The following EML6 variants were observed in gnomAD, a reference collection of about 807,000 sequenced individuals.
EML6 encodes the protein echinoderm microtubule-associated protein-like 6.
A neutral mutation model predicts 240.1 loss-of-function variants in EML6; 154 were observed. The ratio of observed to expected loss-of-function variants is 0.64; its 90% CI spans 0.56 to 0.73. The LOEUF (loss-of-function observed/expected upper bound fraction) is 0.73, where lower values mean the gene tolerates loss of function less well. EML6 is among the 30% of genes least tolerant of loss of function. The pLI, the probability that EML6 is intolerant of heterozygous loss-of-function variation, is 0.00. For missense variants in EML6, 2,964 were observed against 2,474.6 expected, an observed-to-expected ratio of 1.20 and a Z score of -4.20; for synonymous variants, 1,148 against 899.0, an observed-to-expected ratio of 1.28 and a Z score of -4.95.
rs1299218934 is a variant in EML6 at position 54,774,972 on chromosome 2, T to C, written c.198-38260T>C. On this transcript the variant is annotated intron_variant, in intron 2 of 41. Coordinates refer to ENST00000356458, the MANE Select transcript of EML6 (RefSeq NM_001039753.4). The surrounding 1 kb of genome is among the most constrained non-coding windows in gnomAD (Gnocchi z 4.1). ...TACTTTTGTTAACAAATGTGTCACATAGAAATTTCCTGAAAATATGATCAA... is the reference window on the plus strand; with the variant it reads ...TACTTTTGTTAACAAATGTGTCACACAGAAATTTCCTGAAAATATGATCAA... Among the ~76,000 whole-genome samples the C allele has an allele frequency of 6.6e-6, 1 of 152,210 alleles. No homozygotes were observed. The highest frequency in any genetic ancestry group is 1.5e-5 in the Non-Finnish European group (1 of 68,030).
Position 54,765,146 on chromosome 2 carries a change from G to T in EML6, c.197+39888G>T, listed in dbSNP as rs549405499. Among the ~76,000 whole-genome samples the T allele has an allele frequency of 1.1e-3, 168 of 151,940 alleles. 1 individual carries two copies. The highest frequency in any genetic ancestry group is 3.8e-3 in the African/African-American group (158 of 41,418). On this transcript the variant is annotated intron_variant, in intron 2 of 41. Transcript: ENST00000356458. ...ACCTGAATTTTAAATTTAAGTGATC[G>T]TAGAAGTTTTAGAAGCAGTAAATAT...
At chr2:54,965,595 C>A (rs1188860702) in intron 38 of EML6, among the ~76,000 whole-genome samples, 1 of 152,078 alleles carries the variant, frequency 6.6e-6, no homozygotes, top group African/African-American at 2.4e-5. Flanking sequence ...TGGGGGGAAG[C>A]CAGTGAACCA....
intron 28 of EML6, among the ~76,000 whole-genome samples, chr2:54,941,535 C>T (rs1675427838): frequency 6.6e-6 from 1 of 152,240 alleles, no homozygotes; most frequent in South Asian, 2.1e-4. Flanking sequence ...GACCATCCTG[C>T]TAAGCTAATG....
Position 54,954,107 on chromosome 2 carries a change from G to A in EML6, c.4437G>A (p.Ser1479=), listed in dbSNP as rs376989653. The change falls in exon 32 of 42, where the codon TCG becomes TCA. Residue 1479 remains serine, a synonymous_variant. Coordinates refer to ENST00000356458, the MANE Select transcript of EML6 (RefSeq NM_001039753.4). ...GTGCAACTGGAAAGCTCCTGGTGTC[G>A]GTGGGAGTGGACCCTGAGCACACCA... ...NFSATGKLLV[S]VGVDPEHTIT... 230 of 1,551,542 alleles carry A rather than the reference G, an allele frequency of 1.5e-4. No individual in the cohort carries two copies. Among genetic ancestry groups the A allele is most frequent in the Non-Finnish European group, 1.8e-4 (203 of 1,147,002 alleles).
intron 2 of EML6, among the ~76,000 whole-genome samples, chr2:54,797,177 A>AAAAAAAAAAAACAAAAACAAAC (rs1669850625): frequency 7.5e-6 from 1 of 132,686 alleles, no homozygotes; most frequent in African/African-American, 2.9e-5. Flanking sequence ...AAAAAAAAAA[A>AAAAAAAAAAAACAAAAACAAAC]AAAAAAAAAA....
chr2:54,818,993 C>T (rs1206785990), intron 4 of EML6, among the ~76,000 whole-genome samples: 2 of 151,998 alleles, frequency 1.3e-5, no homozygotes, highest in African/African-American at 4.8e-5. Flanking sequence ...CTTTATATAC[C>T]TTATCTTCAT....
chr2:54,788,562 G>C (rs1669217436), intron 2 of EML6, among the ~76,000 whole-genome samples: 2 of 152,200 alleles, frequency 1.3e-5, no homozygotes, highest in East Asian at 1.9e-4. Context: ...CTACTCTCCA[G>C]AGAGAGACCT....
At chr2:54,901,606 G>C (rs1011364106) in intron 22 of EML6, among the ~76,000 whole-genome samples, 1 of 152,152 alleles carries the variant, frequency 6.6e-6, no homozygotes, top group Non-Finnish European at 1.5e-5. Context: ...ACTCTCAAAC[G>C]TGTCTTGGTC....
intron 26 of EML6, 64 bp from the exon 27 acceptor site, chr2:54,928,249 G>A (rs1674661173): frequency 2.4e-6 from 3 of 1,276,050 alleles, no homozygotes; most frequent in Non-Finnish European, 3.3e-6. Flanking sequence ...AACTAACATG[G>A]ATAAACGAGC....
intron 2 of EML6, among the ~76,000 whole-genome samples, chr2:54,784,611 T>G (rs561474752): frequency 6.6e-6 from 1 of 152,318 alleles, no homozygotes; most frequent in South Asian, 2.1e-4. Flanking sequence ...ACTAATAGCA[T>G]GCTGTTGACA....
intron 2 of EML6, among the ~76,000 whole-genome samples, chr2:54,808,886 A>G (rs1670640979): frequency 6.6e-6 from 1 of 152,242 alleles, no homozygotes; most frequent in Non-Finnish European, 1.5e-5. Context: ...TCTCCCAGAT[A>G]GGTTGATGAA....
In EML6 at chr2:54,899,928, C is replaced by T. The variant is rs1672967901; in HGVS notation, c.3124+146C>T. On this transcript the variant is annotated intron_variant, in intron 22 of 41. Coordinates refer to ENST00000356458, the MANE Select transcript of EML6 (RefSeq NM_001039753.4). The stretch of plus-strand genomic sequence containing the variant: ...AATGAGAATTTTATATTGGTTGCTA[C>T]AGTCATAACTAAGCACATGTAGAAT... The T allele has an allele frequency of 7.5e-6, 6 of 800,014 alleles. 1 individual carries two copies. In the South Asian group the frequency reaches 1.1e-4, roughly 15 times the overall value. The allele number at this position is 800,014 out of a possible 1,614,324, so 49.6% of individuals were successfully genotyped here. A position where few individuals can be genotyped will look rare whatever the true frequency, so the allele number is the denominator to read the frequency against.
At chr2:54,838,539 C>T (rs1353934705) in intron 7 of EML6, among the ~76,000 whole-genome samples, 1 of 152,130 alleles carries the variant, frequency 6.6e-6, no homozygotes, top group Non-Finnish European at 1.5e-5. Context: ...AGCAATGTCC[C>T]TTAGTAATGA....
intron 7 of EML6, among the ~76,000 whole-genome samples, chr2:54,842,678 C>T (rs558014963): frequency 8.5e-5 from 13 of 152,240 alleles, no homozygotes; most frequent in East Asian, 1.9e-4. Context: ...ATTTCTAATT[C>T]GGATTCAAAA....
chr2:54,819,707 C>A (rs1241591926), intron 4 of EML6, among the ~76,000 whole-genome samples: 2 of 134,702 alleles, frequency 1.5e-5, no homozygotes, highest in Admixed American at 1.7e-4. Flanking sequence ...ACCTGGGAAG[C>A]GGAGTTGCAG....
intron 5 of EML6, among the ~76,000 whole-genome samples, chr2:54,821,138 AG>A (rs972893289): frequency 1.3e-5 from 2 of 152,174 alleles, no homozygotes; most frequent in African/African-American, 4.8e-5. Flanking sequence ...TCCATAAACA[AG>A]AGTATAAGGA....
chr2:54,933,741 G>GA (rs543399763), intron 28 of EML6, among the ~76,000 whole-genome samples: 35 of 149,780 alleles, frequency 2.3e-4, no homozygotes, highest in South Asian at 8.5e-4. Flanking sequence ...CAAAAAGAAA[G>GA]AAAAAAAAAC....
intron 2 of EML6, among the ~76,000 whole-genome samples, chr2:54,769,905 G>A (rs191850255): frequency 2.0e-5 from 3 of 151,936 alleles, no homozygotes; most frequent in African/African-American, 4.8e-5. Flanking sequence ...TCCTCCTCTC[G>A]GACTCTGGAA....
rs368681630 is a variant in EML6 at position 54,959,146 on chromosome 2, G to T, written c.4738G>T (p.Val1580Phe). The T allele has an allele frequency of 1.3e-6, 2 of 1,551,444 alleles. No homozygotes were observed. The highest frequency in any genetic ancestry group is 1.7e-6 in the Non-Finnish European group (2 of 1,146,972). ...FTGAINGDVY[V>F]WKDHFLIRLV... ...GGGTGCCATCAATGGAGATGTCTAC[G>T]TCTGGAAGGACCACTTCCTCATCCG... Residue 1580 changes from valine to phenylalanine, a missense_variant, in exon 34 of 42, where the codon GTC becomes TTC. Coordinates refer to ENST00000356458, the MANE Select transcript of EML6 (RefSeq NM_001039753.4).
Sources: gnomAD v4.1 joint callset for allele counts (sites outside exome capture counted in the v4.1 genomes callset) on GRCh38, gnomAD v4.1.1 for gene constraint, Gnocchi (gnomAD v3.1) non-coding constraint, MANE v1.5 for transcripts, NCBI Gene and HGNC (gene_info 2026-07-23, HGNC 2026-07-21) for gene names.